Variants in SPHKAP observed in about 807,000 individuals in gnomAD.
SPHKAP encodes A-kinase anchor protein SPHKAP.
A neutral mutation model predicts 137.5 loss-of-function variants in SPHKAP; 67 were observed. That is an observed-to-expected ratio of 0.49 (90% CI 0.40 to 0.60). SPHKAP has a LOEUF of 0.60. Ranked by LOEUF, SPHKAP falls within the 20% of genes least tolerant of loss-of-function variation. SPHKAP has a pLI of 0.00. For synonymous variants in SPHKAP, 813 were observed against 785.3 expected (o/e 1.04, Z -0.59); for missense variants, 2,097 against 2,069.3 (o/e 1.01, Z -0.26).
intron 4 of SPHKAP, among the ~76,000 whole-genome samples, chr2:228,026,427 A>G (rs914275488): frequency 3.3e-5 from 5 of 152,152 alleles, no homozygotes; most frequent in Non-Finnish European, 5.9e-5. Flanking sequence ...CCCTACATGG[A>G]TTAGGTACCA....
At chr2:228,155,162 T>C (rs1055171178) in intron 1 of SPHKAP, among the ~76,000 whole-genome samples, 2 of 152,180 alleles carry the variant, frequency 1.3e-5, no homozygotes, top group African/African-American at 4.8e-5. Context: ...ATGGGACCAG[T>C]ACATCTGTTT....
intron 1 of SPHKAP, among the ~76,000 whole-genome samples, chr2:228,135,516 G>A (rs762152440): frequency 6.6e-6 from 1 of 152,184 alleles, no homozygotes; most frequent in African/African-American, 2.4e-5. Flanking sequence ...GAACTGCTGA[G>A]CTCATCTAAT....
chr2:228,077,497 T>TA (rs1442305080), intron 3 of SPHKAP, among the ~76,000 whole-genome samples: 1 of 152,196 alleles, frequency 6.6e-6, no homozygotes, highest in Non-Finnish European at 1.5e-5. Context: ...AAGGAGACCA[T>TA]ATTGGAACTT....
chr2:228,090,687 C>A (rs1469392424), intron 3 of SPHKAP, among the ~76,000 whole-genome samples: 1 of 151,502 alleles, frequency 6.6e-6, no homozygotes, highest in Non-Finnish European at 1.5e-5. Flanking sequence ...GGCTTAGTGC[C>A]AACTCCTTGA....
chr2:228,088,830 G>C lies in SPHKAP; in HGVS notation c.246+20002C>G, dbSNP rs947649896. Among the ~76,000 whole-genome samples the C allele has an allele frequency of 3.3e-5, 5 of 152,270 alleles. No homozygotes were observed. In the Middle Eastern group the frequency reaches 0.01, roughly 311 times the overall value. Reference sequence around the variant, plus strand: ...TTGTAAGCTTCTTAAGGCCTCACCAGAAGCTGAGCATATACCAGGGCCATG... The same window carrying C: ...TTGTAAGCTTCTTAAGGCCTCACCACAAGCTGAGCATATACCAGGGCCATG... On this transcript the variant is annotated intron_variant, in intron 3 of 11. Transcript: ENST00000392056.
intron 2 of SPHKAP, among the ~76,000 whole-genome samples, chr2:228,119,803 C>T (rs2106361517): frequency 6.6e-6 from 1 of 152,222 alleles, no homozygotes; most frequent in South Asian, 2.1e-4. Context: ...GTTAGGATAA[C>T]ATTTTTCTCT....
At chr2:228,088,485 CA>C (rs1381293869) in intron 3 of SPHKAP, among the ~76,000 whole-genome samples, 5 of 151,976 alleles carry the variant, frequency 3.3e-5, no homozygotes, top group Non-Finnish European at 7.4e-5. Context: ...TCACTTCACA[CA>C]AAAGAAAGAA....
At chr2:228,059,856 A>T (rs1179206769) in intron 3 of SPHKAP, among the ~76,000 whole-genome samples, 1 of 152,220 alleles carries the variant, frequency 6.6e-6, no homozygotes. Context: ...GTTGATTATT[A>T]TAGCAACAGT....
Position 227,981,688 on chromosome 2 carries a change from A to G in SPHKAP, c.*29T>C, listed in dbSNP as rs146812150. 5,317 of 1,594,188 alleles carry G rather than the reference A, an allele frequency of 3.3e-3. 23 individuals are homozygous for G. The highest frequency in any genetic ancestry group is 0.012 in the Middle Eastern group (73 of 5,934). On this transcript the variant is annotated 3_prime_UTR_variant, in exon 12 of 12. Transcript: ENST00000392056. Reference sequence around the variant, plus strand: ...TGTAATCTAAGTTGGAATAAAGGGAAGGAATGATCTATACGGCAGACTGCC... The same window carrying G: ...TGTAATCTAAGTTGGAATAAAGGGAGGGAATGATCTATACGGCAGACTGCC...
intron 3 of SPHKAP, among the ~76,000 whole-genome samples, chr2:228,089,629 C>T (rs578125083): frequency 2.0e-5 from 3 of 152,296 alleles, no homozygotes; most frequent in African/African-American, 7.2e-5. Context: ...CCATCACAGG[C>T]CCAGAGGCCT....
intron 2 of SPHKAP, among the ~76,000 whole-genome samples, chr2:228,127,441 G>A (rs1699111777): frequency 6.6e-6 from 1 of 152,144 alleles, no homozygotes; most frequent in Non-Finnish European, 1.5e-5. Flanking sequence ...GTAAGCAATG[G>A]CAGCCCCACA....
intron 3 of SPHKAP, among the ~76,000 whole-genome samples, chr2:228,049,743 G>C (rs191590183): frequency 6.9e-4 from 105 of 152,310 alleles, no homozygotes; most frequent in African/African-American, 2.4e-3. Context: ...GTGAGAACAA[G>C]TGGTATTTGG....
intron 3 of SPHKAP, among the ~76,000 whole-genome samples, chr2:228,038,152 G>C (rs1695702014): frequency 1.3e-5 from 2 of 152,130 alleles, no homozygotes; most frequent in African/African-American, 4.8e-5. Flanking sequence ...TTTGCTCTTG[G>C]GAGTTATGAT....
At chr2:228,052,713 G>A (rs1007463165) in intron 3 of SPHKAP, among the ~76,000 whole-genome samples, 46 of 152,130 alleles carry the variant, frequency 3.0e-4, no homozygotes, top group African/African-American at 1.1e-3. Context: ...TATTTGTGGA[G>A]AGGTTACTTT....
intron 3 of SPHKAP, among the ~76,000 whole-genome samples, chr2:228,036,333 A>T (rs1695592605): frequency 6.6e-6 from 1 of 152,264 alleles, no homozygotes; most frequent in Non-Finnish European, 1.5e-5. Context: ...CCACGATGAG[A>T]TACCATCTCA....
intron 1 of SPHKAP, among the ~76,000 whole-genome samples, chr2:228,154,504 C>CTATATATATATA (rs1559203866): frequency 2.1e-4 from 6 of 28,080 alleles, no homozygotes; most frequent in Non-Finnish European, 2.6e-4. Flanking sequence ...CTCTCTCTCT[C>CTATATATATATA]TCTCTCTCTA....
chr2:228,149,231 A>G (rs1699859571), intron 1 of SPHKAP, among the ~76,000 whole-genome samples: 1 of 152,224 alleles, frequency 6.6e-6, no homozygotes, highest in African/African-American at 2.4e-5. Context: ...TCTCTACACA[A>G]TGCTCACCTG....
intron 1 of SPHKAP, among the ~76,000 whole-genome samples, chr2:228,172,020 G>A (rs1342045891): frequency 6.7e-6 from 1 of 150,202 alleles, no homozygotes; most frequent in African/African-American, 2.4e-5. Flanking sequence ...TATAAATTAT[G>A]GTATGTTGGA....
intron 2 of SPHKAP, among the ~76,000 whole-genome samples, chr2:228,130,341 A>G (rs1298492532): frequency 1.3e-5 from 2 of 152,150 alleles, no homozygotes; most frequent in Non-Finnish European, 2.9e-5. Flanking sequence ...AGTGATAGAG[A>G]TCTTTATTTT....
Sources: gnomAD v4.1 joint callset for allele counts (sites outside exome capture counted in the v4.1 genomes callset) on GRCh38, gnomAD v4.1.1 for gene constraint, MANE v1.5 for transcripts, NCBI Gene and HGNC (gene_info 2026-07-23, HGNC 2026-07-21) for gene names.